CPQ: variants seen among roughly 807,000 people sequenced by gnomAD.
CPQ encodes carboxypeptidase Q, also known as Ser-Met dipeptidase.
A neutral mutation model predicts 45.7 loss-of-function variants in CPQ; 37 were observed. The ratio of observed to expected loss-of-function variants is 0.81; its 90% CI spans 0.62 to 1.07. The LOEUF (loss-of-function observed/expected upper bound fraction) is 1.07, where lower values mean the gene tolerates loss of function less well. Among genes scored for constraint, CPQ ranks in the 50% least tolerant of loss-of-function variants. The pLI, the probability that CPQ is intolerant of heterozygous loss-of-function variation, is 0.00. For missense variants in CPQ, 537 were observed against 572.9 expected (o/e 0.94, Z 0.64); for synonymous variants, 186 against 205.8 (o/e 0.90, Z 0.82).
chr8:96,809,880 T>C (rs942441443), intron 2 of CPQ, among the ~76,000 whole-genome samples: 2 of 152,204 alleles, frequency 1.3e-5, no homozygotes, highest in Non-Finnish European at 2.9e-5. Flanking sequence ...TATTTCAGTT[T>C]CAGCTTCGAG....
At chr8:96,951,479 C>A (rs1813264798) in intron 4 of CPQ, among the ~76,000 whole-genome samples, 1 of 152,114 alleles carries the variant, frequency 6.6e-6, no homozygotes, top group Non-Finnish European at 1.5e-5. Flanking sequence ...AGTTCAAACA[C>A]CTGAATTCAT....
intron 2 of CPQ, among the ~76,000 whole-genome samples, chr8:96,791,639 A>C (rs185080178): frequency 3.9e-5 from 6 of 152,320 alleles, no homozygotes; most frequent in African/African-American, 1.4e-4. Flanking sequence ...GGACTATTTT[A>C]AGCTCTGAAG....
chr8:96,871,612 C>G (rs931800892), intron 3 of CPQ, among the ~76,000 whole-genome samples: 1 of 144,770 alleles, frequency 6.9e-6, no homozygotes, highest in Non-Finnish European at 1.5e-5. Flanking sequence ...GGTGATGCTG[C>G]AGTTTGCTTG....
chr8:96,845,114 T>G (rs577300947), intron 3 of CPQ, among the ~76,000 whole-genome samples: 1 of 152,212 alleles, frequency 6.6e-6, no homozygotes, highest in African/African-American at 2.4e-5. Context: ...TCTTTACATT[T>G]TAACTGAAAG....
intron 6 of CPQ, among the ~76,000 whole-genome samples, chr8:97,040,189 A>T (rs1810092558): frequency 6.6e-6 from 1 of 151,590 alleles, no homozygotes; most frequent in Non-Finnish European, 1.5e-5. Flanking sequence ...CTGGTGTGAG[A>T]TGGTATCTCA....
chr8:96,934,062 C>T (rs1813012795), intron 4 of CPQ, among the ~76,000 whole-genome samples: 1 of 152,140 alleles, frequency 6.6e-6, no homozygotes, highest in South Asian at 2.1e-4. Flanking sequence ...GAGAAGGTAG[C>T]AGTAGGAGCC....
At chr8:96,720,645 A>G (rs890342796) in intron 1 of CPQ, among the ~76,000 whole-genome samples, 3 of 151,330 alleles carry the variant, frequency 2.0e-5, no homozygotes, top group Admixed American at 1.3e-4. Flanking sequence ...GTGTTTCTCT[A>G]TCTTTTTTTT....
At chr8:97,036,776 T>C (rs1018428550) in intron 6 of CPQ, among the ~76,000 whole-genome samples, 16 of 152,238 alleles carry the variant, frequency 1.1e-4, no homozygotes, top group African/African-American at 3.6e-4. Context: ...TAATCTGGCC[T>C]TGAGAAAGCC....
At chr8:97,117,880 AC>A (rs1416553591) in intron 7 of CPQ, among the ~76,000 whole-genome samples, 1 of 151,910 alleles carries the variant, frequency 6.6e-6, no homozygotes, top group Non-Finnish European at 1.5e-5. Flanking sequence ...ATTTCTACAC[AC>A]CCATTTTAAA....
chr8:97,137,628 C>A (rs1812083344), intron 7 of CPQ, among the ~76,000 whole-genome samples: 1 of 152,228 alleles, frequency 6.6e-6, no homozygotes. Flanking sequence ...GCTGTGAGTT[C>A]ATGGCATAAA....
chr8:96,872,954 A>C (rs1474218955), intron 3 of CPQ, among the ~76,000 whole-genome samples: 1 of 151,870 alleles, frequency 6.6e-6, no homozygotes, highest in African/African-American at 2.4e-5. Flanking sequence ...GTTTAAGAGA[A>C]AAAAGCCAAA....
intron 1 of CPQ, among the ~76,000 whole-genome samples, chr8:96,748,628 T>C (rs909010859): frequency 3.3e-5 from 5 of 152,166 alleles, no homozygotes; most frequent in East Asian, 1.9e-4. Flanking sequence ...ATATTTTCTA[T>C]CTTTTTTAAC....
At chr8:97,103,454 C>T (rs1049114614) in intron 7 of CPQ, among the ~76,000 whole-genome samples, 2 of 152,162 alleles carry the variant, frequency 1.3e-5, no homozygotes, top group African/African-American at 4.8e-5. Flanking sequence ...CCCATCTATC[C>T]TTCCACTCCT....
chr8:97,001,065 T>A (rs1586488227), intron 5 of CPQ, among the ~76,000 whole-genome samples: 1 of 151,762 alleles, frequency 6.6e-6, no homozygotes, highest in Admixed American at 6.6e-5. Context: ...TATAGGAAGG[T>A]TAGCGATTTT....
At chr8:97,029,313 C>T in intron 5 of CPQ, 90 bp from the exon 6 acceptor site, 3 of 1,251,506 alleles carry the variant, frequency 2.4e-6, no homozygotes, top group Non-Finnish European at 3.4e-6. Flanking sequence ...TTTCCTCCTT[C>T]CTCCACAAGG....
intron 7 of CPQ, among the ~76,000 whole-genome samples, chr8:97,118,309 T>C (rs1248027877): frequency 6.6e-6 from 1 of 152,186 alleles, no homozygotes; most frequent in African/African-American, 2.4e-5. Context: ...CAGATGGTGA[T>C]TCTAGTCCTG....
At chr8:97,135,372 T>G (rs1278735428) in intron 7 of CPQ, among the ~76,000 whole-genome samples, 1 of 152,148 alleles carries the variant, frequency 6.6e-6, no homozygotes, top group African/African-American at 2.4e-5. Flanking sequence ...AGGAAGCTGC[T>G]AATGAACTGC....
intron 4 of CPQ, among the ~76,000 whole-genome samples, chr8:96,895,623 A>G (rs1812433240): frequency 6.6e-6 from 1 of 152,132 alleles, no homozygotes; most frequent in South Asian, 2.1e-4. Flanking sequence ...TTTAAATGAT[A>G]ATCAGTAGGA....
intron 2 of CPQ, among the ~76,000 whole-genome samples, chr8:96,821,580 G>T (rs1328041351): frequency 6.6e-6 from 1 of 151,846 alleles, no homozygotes; most frequent in Non-Finnish European, 1.5e-5. Context: ...ACTAGATTCT[G>T]TTCAGATATG....
Sources: gnomAD v4.1 joint callset for allele counts (sites outside exome capture counted in the v4.1 genomes callset) on GRCh38, gnomAD v4.1.1 for gene constraint, MANE v1.5 for transcripts, NCBI Gene and HGNC (gene_info 2026-07-23, HGNC 2026-07-21) for gene names.